COL5A1: variants seen among roughly 807,000 people sequenced by gnomAD.
The protein encoded by COL5A1 is collagen type V alpha 1 chain.
In COL5A1, 16 loss-of-function variants were observed where a neutral mutation model predicts 263.7. That is an observed-to-expected ratio of 0.06 (90% CI 0.04 to 0.09). The LOEUF (loss-of-function observed/expected upper bound fraction) is 0.09, where lower values mean the gene tolerates loss of function less well. COL5A1 is among the 10% of genes least tolerant of loss of function. The pLI is 1.00. For missense variants in COL5A1, 2,036 were observed against 2,540.5 expected, an observed-to-expected ratio of 0.80 and a Z score of 4.27; for synonymous variants, 1,012 against 1,004.5, an observed-to-expected ratio of 1.01 and a Z score of -0.14.
chr9:134,701,495 T>C (rs947906883), intron 4 of COL5A1, among the ~76,000 whole-genome samples, 162 bp downstream of exon 4: 1 of 152,162 alleles, frequency 6.6e-6, no homozygotes, highest in Non-Finnish European at 1.5e-5. Flanking sequence ...TCCTAAGAGA[T>C]GTTTGTGGCT....
rs955795371 is a variant in COL5A1 at position 134,841,643 on chromosome 9, T to G, written c.5371-514T>G. On this transcript the variant is annotated intron_variant, in intron 65 of 65. Coordinates refer to ENST00000371817, the MANE Select transcript of COL5A1 (RefSeq NM_000093.5). This position sits in a 1 kb window ranked among gnomAD's most constrained non-coding sequence, Gnocchi z 4.8. ...CCCACCGAGTGCCTAAGGCAGTGTG[T>G]GGCAGGTGGTCGTAGGGGGGTCTTA... is the stretch of plus-strand genomic sequence containing the variant. Among the ~76,000 whole-genome samples the G allele has an allele frequency of 2.7e-4, 41 of 152,238 alleles. No homozygotes were observed. The highest frequency in any genetic ancestry group is 2.1e-4 in the South Asian group (1 of 4,812).
intron 1 of COL5A1, among the ~76,000 whole-genome samples, chr9:134,657,775 G>A (rs1248764596): frequency 6.6e-6 from 1 of 151,838 alleles, no homozygotes; most frequent in Non-Finnish European, 1.5e-5. Flanking sequence ...CAGGGGGTGG[G>A]ACAGGACCTG....
chr9:134,823,825 C>T (rs1342538585), intron 61 of COL5A1, among the ~76,000 whole-genome samples: 1 of 151,948 alleles, frequency 6.6e-6, no homozygotes, highest in Non-Finnish European at 1.5e-5. Flanking sequence ...TATGTGCATG[C>T]ATGTGTAATG....
intron 63 of COL5A1, among the ~76,000 whole-genome samples, chr9:134,826,971 G>A (rs1447513673): frequency 1.3e-5 from 2 of 152,186 alleles, no homozygotes; most frequent in East Asian, 3.8e-4. Context: ...GCCCAGGCGA[G>A]GACTGAGTCT....
chr9:134,643,644 T>C (rs1831375768), intron 1 of COL5A1, among the ~76,000 whole-genome samples: 3 of 152,032 alleles, frequency 2.0e-5, no homozygotes, highest in Admixed American at 2.0e-4. Flanking sequence ...CCACCAACTC[T>C]CTCCTGACCC....
At chr9:134,666,790 G>A (rs976020991) in intron 1 of COL5A1, among the ~76,000 whole-genome samples, 1 of 152,244 alleles carries the variant, frequency 6.6e-6, no homozygotes, top group African/African-American at 2.4e-5. Context: ...CACTGAGTCT[G>A]TGAGATTTGG....
rs535703156 is a variant in COL5A1 at position 134,842,749 on chromosome 9, C to T, written c.*446C>T. The T allele has an allele frequency of 2.1e-4, 45 of 219,296 alleles. 1 individual carries two copies. The highest frequency in any genetic ancestry group is 7.8e-4 in the African/African-American group (34 of 43,866). 13.6% of individuals were successfully genotyped at this position (219,296 alleles called of 1,614,324 possible). ...TCAAAAAATGTTCCAAGGTAAGCCT[C>T]GTAAAGGTCATCCCACCATCACCAA... On this transcript the variant is annotated 3_prime_UTR_variant, in exon 66 of 66. Transcript: ENST00000371817. This position sits in a 1 kb window ranked among gnomAD's most constrained non-coding sequence, Gnocchi z 5.8.
intron 65 of COL5A1, 71 bp downstream of exon 65, chr9:134,835,275 GT>G: frequency 7.2e-7 from 1 of 1,382,110 alleles, no homozygotes; most frequent in African/African-American, 1.4e-5. Flanking sequence ...CTCAGCACGG[GT>G]TTACCTGTCC....
At chr9:134,771,954 G>A (rs115847912) in intron 25 of COL5A1, among the ~76,000 whole-genome samples, 10 of 152,196 alleles carry the variant, frequency 6.6e-5, no homozygotes, top group Non-Finnish European at 1.0e-4. Flanking sequence ...GCATTAAACC[G>A]AGTGACCCGC....
chr9:134,811,625 G>T (rs766384182), intron 46 of COL5A1, 26 bp downstream of exon 46: 7 of 1,506,826 alleles, frequency 4.6e-6, no homozygotes, highest in Non-Finnish European at 5.4e-6. Flanking sequence ...TCACCACACC[G>T]GGCTCCTCCG....
At chr9:134,782,787 T>G (rs928426615) in intron 29 of COL5A1, 67 bp downstream of exon 29, 932 of 916,952 alleles carry the variant, frequency 1.0e-3, no homozygotes, top group Admixed American at 1.8e-3. Flanking sequence ...TGGGAGGGGG[T>G]GGGGATGTTT....
intron 18 of COL5A1, among the ~76,000 whole-genome samples, chr9:134,760,813 C>T (rs542236641): frequency 6.7e-6 from 1 of 149,498 alleles, no homozygotes; most frequent in Non-Finnish European, 1.5e-5. Context: ...CTGACACACC[C>T]CCACATGCAT....
intron 59 of COL5A1, 92 bp from the exon 60 acceptor site, chr9:134,822,906 G>A (rs745536088): frequency 4.5e-5 from 65 of 1,438,146 alleles, no homozygotes; most frequent in Non-Finnish European, 5.7e-5. Flanking sequence ...GGAGAGGGGC[G>A]AGGGGCGAGA....
In COL5A1 at chr9:134,641,884, C is replaced by A; in HGVS notation, c.-304C>A. On this transcript the variant is annotated 5_prime_UTR_variant, in exon 1 of 66. Transcript: ENST00000371817. The stretch of plus-strand genomic sequence containing the variant: ...CGGGGAGCGGGTCGCGGGGCGGCGG[C>A]GGCGAGGAGGAGGCGAGAAGGAGTT... 2.6e-6 allele frequency: 1 copy of A among 388,708 alleles called. No homozygotes were observed. Among genetic ancestry groups the A allele is most frequent in the Non-Finnish European group, 4.5e-6 (1 of 219,974 alleles). The allele number at this position is 388,708 out of a possible 1,614,324, so 24.1% of individuals were successfully genotyped here. A position where few individuals can be genotyped will look rare whatever the true frequency, so the allele number is the denominator to read the frequency against.
rs1196051688 is a variant in COL5A1 at position 134,818,275 on chromosome 9, G to A, written c.4231-381G>A. Among the ~76,000 whole-genome samples, 1 of 152,226 alleles carries A rather than the reference G, an allele frequency of 6.6e-6. No homozygotes were observed. Among genetic ancestry groups the A allele is most frequent in the African/African-American group, 2.4e-5 (1 of 41,470 alleles). ...CAGTTGGCTTGGGGCCTGGCCCAGAGCACACGGGAGGCTATTCTGTCAGTG... is the reference window on the plus strand; with the variant it reads ...CAGTTGGCTTGGGGCCTGGCCCAGAACACACGGGAGGCTATTCTGTCAGTG... On this transcript the variant is annotated intron_variant, in intron 54 of 65. Transcript: ENST00000371817. The surrounding 1 kb of genome is among the most constrained non-coding windows in gnomAD (Gnocchi z 6.0).
intron 1 of COL5A1, among the ~76,000 whole-genome samples, chr9:134,689,038 C>T (rs760584821): frequency 6.6e-6 from 1 of 152,218 alleles, no homozygotes; most frequent in Non-Finnish European, 1.5e-5. Flanking sequence ...GCACCAAGCA[C>T]AGTGCCCGCG....
intron 1 of COL5A1, among the ~76,000 whole-genome samples, chr9:134,658,022 A>G (rs1832078098): frequency 6.6e-6 from 1 of 151,896 alleles, no homozygotes; most frequent in African/African-American, 2.4e-5. Flanking sequence ...GCTATGGCGG[A>G]CTGCACTCGG....
At position 134,716,903 on chromosome 9, in the gene COL5A1, G is replaced by C. The variant is rs1419114904; in HGVS notation, c.655-10363G>C. ...ACTGGGACTGGAGGCAGCGAGCGAG[G>C]ACATGGCGGGGACAGCAGAAAGCAA... On this transcript the variant is annotated intron_variant, in intron 4 of 65. Transcript: ENST00000371817. This position sits in a 1 kb window ranked among gnomAD's most constrained non-coding sequence, Gnocchi z 4.5. Among the ~76,000 whole-genome samples the C allele has an allele frequency of 6.6e-6, 1 of 152,204 alleles. No homozygotes were observed. The highest frequency in any genetic ancestry group is 6.5e-5 in the Admixed American group (1 of 15,278).
intron 32 of COL5A1, among the ~76,000 whole-genome samples, chr9:134,790,201 C>T (rs1837617816): frequency 6.6e-6 from 1 of 152,228 alleles, no homozygotes; most frequent in Non-Finnish European, 1.5e-5. Flanking sequence ...GCCAGATTCA[C>T]AAAATAGGAA....
Sources: allele counts gnomAD v4.1 joint callset (sites outside exome capture counted in the v4.1 genomes callset), GRCh38; gene constraint gnomAD v4.1.1; non-coding constraint Gnocchi (gnomAD v3.1); transcripts MANE v1.5; gene names NCBI Gene and HGNC (gene_info 2026-07-23, HGNC 2026-07-21).